NUCKS1: variants seen among roughly 807,000 people sequenced by gnomAD.
The protein encoded by NUCKS1 is nuclear ubiquitous casein and cyclin-dependent kinase substrate 1.
NUCKS1 carries 2 observed loss-of-function variants against 33.0 expected under a neutral mutation model. The observed-to-expected ratio is 0.06, with a 90% CI of 0.02 to 0.19. NUCKS1 has a LOEUF of 0.19. NUCKS1 is among the 10% of genes least tolerant of loss of function. The probability of loss-of-function intolerance (pLI) is 1.00; values close to 1 mark genes in which losing one functional copy is unlikely to be tolerated. For missense variants in NUCKS1, 201 were observed against 293.6 expected (o/e 0.68, Z 2.31); for synonymous variants, 106 against 102.8 (o/e 1.03, Z -0.19).
intron 1 of NUCKS1, among the ~76,000 whole-genome samples, chr1:205,732,225 T>C (rs1302732214): frequency 6.6e-6 from 1 of 152,218 alleles, no homozygotes; most frequent in Non-Finnish European, 1.5e-5. Context: ...AACTATATAT[T>C]TTATTGTAAG....
chr1:205,750,017 G>GACCCC lies in NUCKS1; in HGVS notation c.-49_-45dup. On this transcript the variant is annotated 5_prime_UTR_variant, in exon 1 of 7. Transcript: ENST00000367142. ...ACCGAGTCGAGAAGCCAAAGACCAG[G>GACCCC]ACCCCCCCCACCCCGCGCGCTCGGC... is the stretch of plus-strand genomic sequence containing the variant. 1 of 1,548,228 alleles carries GACCCC rather than the reference G, an allele frequency of 6.5e-7. No homozygotes were observed. Among genetic ancestry groups the GACCCC allele is most frequent in the Non-Finnish European group, 8.7e-7 (1 of 1,144,282 alleles).
chr1:205,741,641 A>G (rs911876602), intron 1 of NUCKS1, among the ~76,000 whole-genome samples: 7 of 152,206 alleles, frequency 4.6e-5, no homozygotes, highest in African/African-American at 1.7e-4. Flanking sequence ...AGAAGTGTGA[A>G]GCATCTCATG....
intron 1 of NUCKS1, among the ~76,000 whole-genome samples, chr1:205,747,175 AGAATTGG>A (rs140853652): frequency 0.014 from 2,183 of 152,294 alleles, 41 homozygotes; most frequent in African/African-American, 0.043. Context: ...GGTGGGGACC[AGAATTGG>A]GAATTGGGAA....
intron 5 of NUCKS1, 94 bp downstream of exon 5, chr1:205,720,407 T>G: frequency 7.7e-7 from 1 of 1,296,378 alleles, no homozygotes; most frequent in Middle Eastern, 1.9e-4. Flanking sequence ...GGACTGGTTG[T>G]AACATTTAGC....
At chr1:205,747,307 C>A (rs965592659) in intron 1 of NUCKS1, among the ~76,000 whole-genome samples, 3 of 152,172 alleles carry the variant, frequency 2.0e-5, no homozygotes, top group African/African-American at 7.2e-5. Flanking sequence ...TTGCCTAAAC[C>A]TCTTCCTAGC....
intron 4 of NUCKS1, among the ~76,000 whole-genome samples, chr1:205,720,913 G>T (rs1303403118): frequency 6.6e-6 from 1 of 152,112 alleles, no homozygotes; most frequent in East Asian, 1.9e-4. Flanking sequence ...ACACACCATG[G>T]AATACTATGC....
chr1:205,719,325 G>A (rs1025121327), intron 6 of NUCKS1, among the ~76,000 whole-genome samples: 6 of 152,304 alleles, frequency 3.9e-5, no homozygotes, highest in African/African-American at 1.4e-4. Context: ...ACATGGCTAA[G>A]CCCACTAGAC....
intron 3 of NUCKS1, among the ~76,000 whole-genome samples, chr1:205,725,026 A>G (rs970268261): frequency 2.6e-5 from 4 of 152,210 alleles, no homozygotes; most frequent in Non-Finnish European, 5.9e-5. Flanking sequence ...GGATTCTAGT[A>G]TCCTATCTCT....
At position 205,726,789 on chromosome 1, in the gene NUCKS1, C is replaced by A. The variant is rs184627820; in HGVS notation, c.173+911G>T. On this transcript the variant is annotated intron_variant, in intron 3 of 6. Coordinates refer to ENST00000367142, the MANE Select transcript of NUCKS1 (RefSeq NM_022731.5). Reference sequence around the variant, plus strand: ...GATGTAAGAATTAAATGATAGTGTACGTAAAACACATAATAGAGATTGTCA... The same window carrying A: ...GATGTAAGAATTAAATGATAGTGTAAGTAAAACACATAATAGAGATTGTCA... Among the ~76,000 whole-genome samples, 11 of 152,176 alleles carry A rather than the reference C, an allele frequency of 7.2e-5. No homozygotes were observed. In the East Asian group the frequency reaches 2.1e-3, roughly 29 times the overall value.
intron 1 of NUCKS1, among the ~76,000 whole-genome samples, chr1:205,742,042 T>C (rs986059440): frequency 5.9e-5 from 9 of 152,342 alleles, no homozygotes; most frequent in Admixed American, 3.9e-4. Context: ...TAAGAATCTC[T>C]AGAGCTGCAG....
chr1:205,727,715 T>C lies in NUCKS1; in HGVS notation c.158A>G (p.Asn53Ser). 1 of 1,612,634 alleles carries C rather than the reference T, an allele frequency of 6.2e-7. No homozygotes were observed. The highest frequency in any genetic ancestry group is 8.5e-7 in the Non-Finnish European group (1 of 1,178,756). ...TGCCTCTTACCTATCTTCCTGTGAA[T>C]TCTTTCCAGATCGCCTCTTATTTTT... Reference protein sequence around the residue: ...EAKNKRRSGKNSQEDSEDSED... With the variant: ...EAKNKRRSGKSSQEDSEDSED... Residue 53 changes from asparagine to serine, a missense_variant, in exon 3 of 7, where the codon AAT becomes AGT. Asn to Ser is a conservative substitution (Grantham distance 46). Transcript: ENST00000367142.
intron 1 of NUCKS1, among the ~76,000 whole-genome samples, chr1:205,735,348 A>G (rs1479324652): frequency 1.3e-5 from 2 of 152,238 alleles, no homozygotes; most frequent in Non-Finnish European, 2.9e-5. Context: ...AGGCTATACC[A>G]TACAGCCTAG....
At position 205,716,830 on chromosome 1, in the gene NUCKS1, G is replaced by A. The variant is rs1191334205; in HGVS notation, c.*1450C>T. 6.6e-6 allele frequency: 1 copy of A among 152,124 alleles called. No homozygotes were observed. The highest frequency in any genetic ancestry group is 1.5e-5 in the Non-Finnish European group (1 of 68,034). The allele number at this position is 152,124 out of a possible 1,614,324, so 9.4% of individuals were successfully genotyped here. On this transcript the variant is annotated 3_prime_UTR_variant, in exon 7 of 7. Coordinates refer to ENST00000367142, the MANE Select transcript of NUCKS1 (RefSeq NM_022731.5). Reference sequence around the variant, plus strand: ...ATCTATCTCCTGACTGCTTTTATAAGGCGTGTAAAAGTCGGTTTTCAACTG... The same window carrying A: ...ATCTATCTCCTGACTGCTTTTATAAAGCGTGTAAAAGTCGGTTTTCAACTG...
chr1:205,726,900 T>C (rs1653794370), intron 3 of NUCKS1, among the ~76,000 whole-genome samples: 1 of 152,214 alleles, frequency 6.6e-6, no homozygotes, highest in South Asian at 2.1e-4. Context: ...AAGTTCATGT[T>C]ACATCAAGTG....
intron 1 of NUCKS1, among the ~76,000 whole-genome samples, chr1:205,742,528 A>G (rs1031702490): frequency 4.6e-5 from 7 of 152,192 alleles, no homozygotes; most frequent in African/African-American, 1.7e-4. Context: ...TAAAAAATAA[A>G]AGGTTTCCTC....
chr1:205,749,511 G>A (rs1205828319), intron 1 of NUCKS1, among the ~76,000 whole-genome samples: 3 of 151,740 alleles, frequency 2.0e-5, no homozygotes, highest in South Asian at 2.1e-4. Flanking sequence ...GTCGCTGGGG[G>A]AAGGGGCAAT....
In NUCKS1 at chr1:205,718,078, T is replaced by C. The variant is rs1375604602; in HGVS notation, c.*202A>G. On this transcript the variant is annotated 3_prime_UTR_variant, in exon 7 of 7. Transcript: ENST00000367142. ...ACTTAAACACTTACACATACAATGGTTTGCTTTAAAAAAAAAAAAAAAAAA... is the reference window on the plus strand; with the variant it reads ...ACTTAAACACTTACACATACAATGGCTTGCTTTAAAAAAAAAAAAAAAAAA... 2 of 1,255,582 alleles carry C rather than the reference T, an allele frequency of 1.6e-6. No individual in the cohort carries two copies. Among genetic ancestry groups the C allele is most frequent in the Non-Finnish European group, 2.0e-6 (2 of 1,008,548 alleles). The allele number at this position is 1,255,582 out of a possible 1,614,324, so 77.8% of individuals were successfully genotyped here.
In NUCKS1 at chr1:205,746,451, TCTCA is replaced by T. The variant is rs1380060224; in HGVS notation, c.17+3502_17+3505del. Among the ~76,000 whole-genome samples, 92 of 116,182 alleles carry T rather than the reference TCTCA, an allele frequency of 7.9e-4. 1 individual carries two copies. Among genetic ancestry groups the T allele is most frequent in the South Asian group, 2.2e-3 (6 of 2,764 alleles). 76.2% of individuals were successfully genotyped at this position (116,182 alleles called of 152,430 possible). A position where few individuals can be genotyped will look rare whatever the true frequency, so the allele number is the denominator to read the frequency against. The stretch of plus-strand genomic sequence containing the variant: ...ATAAACTCACTTCTCTCTCTCTCTC[TCTCA>T]CACACACACACACACACACACACAC... On this transcript the variant is annotated intron_variant, in intron 1 of 6. Transcript: ENST00000367142.
chr1:205,727,017 G>A (rs1258731544), intron 3 of NUCKS1, among the ~76,000 whole-genome samples: 2 of 151,986 alleles, frequency 1.3e-5, no homozygotes, highest in Non-Finnish European at 2.9e-5. Context: ...AGGCTGGAGT[G>A]CAGTGGTGCA....
Sources: gnomAD v4.1 joint callset for allele counts (sites outside exome capture counted in the v4.1 genomes callset) on GRCh38, gnomAD v4.1.1 for gene constraint, MANE v1.5 for transcripts, NCBI Gene and HGNC (gene_info 2026-07-23, HGNC 2026-07-21) for gene names.